CDH12: variants seen among roughly 807,000 people sequenced by gnomAD.
The protein encoded by CDH12 is cadherin 12.
In CDH12, 41 loss-of-function variants were observed where a neutral mutation model predicts 74.1. That is an observed-to-expected ratio of 0.55 (90% CI 0.43 to 0.72). The LOEUF is 0.72. Ranked by LOEUF, CDH12 falls within the 30% of genes least tolerant of loss-of-function variation. The pLI is 0.00. For synonymous variants in CDH12, 399 were observed against 355.0 expected (o/e 1.12, Z -1.39); for missense variants, 945 against 977.2 (o/e 0.97, Z 0.44).
intron 1 of CDH12, among the ~76,000 whole-genome samples, chr5:22,842,202 T>A (rs1223168948): frequency 2.0e-5 from 3 of 152,150 alleles, no homozygotes; most frequent in African/African-American, 7.2e-5. Context: ...CTACATGACT[T>A]CTTTTAAAAT....
chr5:22,733,787 T>TA (rs1744553139), intron 1 of CDH12, among the ~76,000 whole-genome samples: 1 of 151,918 alleles, frequency 6.6e-6, no homozygotes, highest in Non-Finnish European at 1.5e-5. Flanking sequence ...CTCGACTAGT[T>TA]AGATTGGTAG....
intron 8 of CDH12, among the ~76,000 whole-genome samples, chr5:21,833,090 ATATATAT>A (rs1326347931): frequency 5.7e-5 from 4 of 69,780 alleles, no homozygotes; most frequent in East Asian, 8.8e-4. Context: ...TATATTATAA[ATATATAT>A]TATATATTAT....
At chr5:22,236,860 C>A (rs1347570815) in intron 3 of CDH12, among the ~76,000 whole-genome samples, 1 of 152,084 alleles carries the variant, frequency 6.6e-6, no homozygotes, top group East Asian at 1.9e-4. Context: ...ACTGGAAGGT[C>A]TTCAGGGGCA....
chr5:22,318,309 G>C (rs184273102), intron 3 of CDH12, among the ~76,000 whole-genome samples: 45 of 152,146 alleles, frequency 3.0e-4, no homozygotes, highest in Admixed American at 1.1e-3. Flanking sequence ...TGCCTTTTTT[G>C]GGCTGCCTCT....
Position 21,885,776 on chromosome 5 carries a change from C to CAAAG in CDH12, c.527-30990_527-30987dup, listed in dbSNP as rs535418594. Among the ~76,000 whole-genome samples the CAAAG allele has an allele frequency of 2.7e-3, 410 of 152,164 alleles. 2 individuals are homozygous for CAAAG. The highest frequency in any genetic ancestry group is 9.5e-3 in the African/African-American group (396 of 41,532). The stretch of plus-strand genomic sequence containing the variant: ...TCTCTACTATATCATCAGTGCTTTC[C>CAAAG]AAAGACTCACTGATATCAGTATATT... On this transcript the variant is annotated intron_variant, in intron 6 of 14. Transcript: ENST00000382254.
chr5:22,044,613 C>T (rs1054578235), intron 5 of CDH12, among the ~76,000 whole-genome samples: 6 of 152,082 alleles, frequency 3.9e-5, no homozygotes, highest in African/African-American at 1.4e-4. Flanking sequence ...GGACAGAGAG[C>T]CAAAGTATAT....
intron 6 of CDH12, among the ~76,000 whole-genome samples, chr5:21,906,378 T>C (rs933232901): frequency 6.6e-6 from 1 of 152,188 alleles, no homozygotes; most frequent in African/African-American, 2.4e-5. Context: ...ACACATACTT[T>C]AGAATATAGC....
In CDH12 at chr5:22,061,924, C is replaced by G. The variant is rs189942130; in HGVS notation, c.231+16522G>C. On this transcript the variant is annotated intron_variant, in intron 5 of 14. Transcript: ENST00000382254. ...ATGAGATCTAGAATTAGAATCAAAG[C>G]TTATCCTCACTTTAAAGTAACTATA... Among the ~76,000 whole-genome samples, 269 of 152,172 alleles carry G rather than the reference C, an allele frequency of 1.8e-3. 5 individuals carry two copies. Among genetic ancestry groups the G allele is most frequent in the Admixed American group, 0.017 (256 of 15,270 alleles).
chr5:22,421,009 G>A (rs759460126), intron 2 of CDH12, among the ~76,000 whole-genome samples: 11 of 152,078 alleles, frequency 7.2e-5, no homozygotes, highest in Non-Finnish European at 1.6e-4. Flanking sequence ...TTGATGTAAA[G>A]GAATGCTTGT....
At chr5:22,066,400 TG>T (rs1268404425) in intron 5 of CDH12, among the ~76,000 whole-genome samples, 1 of 152,116 alleles carries the variant, frequency 6.6e-6, no homozygotes, top group Non-Finnish European at 1.5e-5. Flanking sequence ...TTCAGACCTT[TG>T]GGGGACTACT....
intron 4 of CDH12, among the ~76,000 whole-genome samples, chr5:22,182,541 G>C (rs1749703315): frequency 6.6e-6 from 1 of 152,084 alleles, no homozygotes; most frequent in Admixed American, 6.6e-5. Flanking sequence ...AACTATGCAG[G>C]GTGGGAGCAC....
intron 1 of CDH12, among the ~76,000 whole-genome samples, chr5:22,605,202 T>A (rs1737040498): frequency 1.3e-5 from 2 of 152,214 alleles, no homozygotes; most frequent in Admixed American, 1.3e-4. Flanking sequence ...ACCTCAGCTG[T>A]ACTGTGCACT....
At chr5:22,322,907 A>G (rs1020350467) in intron 3 of CDH12, among the ~76,000 whole-genome samples, 1 of 152,206 alleles carries the variant, frequency 6.6e-6, no homozygotes, top group Non-Finnish European at 1.5e-5. Context: ...ACTTGGTTGA[A>G]CAGAGTAACT....
chr5:22,619,343 A>G (rs1388536379), intron 1 of CDH12, among the ~76,000 whole-genome samples: 1 of 152,108 alleles, frequency 6.6e-6, no homozygotes, highest in Non-Finnish European at 1.5e-5. Flanking sequence ...CCACACAGCA[A>G]GTTCTGTTAC....
At chr5:22,691,063 TA>T (rs1231846911) in intron 1 of CDH12, among the ~76,000 whole-genome samples, 3 of 152,188 alleles carry the variant, frequency 2.0e-5, no homozygotes, top group Admixed American at 1.3e-4. Flanking sequence ...TTTTTAAAAA[TA>T]TTTTTTTCCT....
chr5:22,213,504 G>A (rs1199689140), intron 3 of CDH12: 2 of 152,164 alleles, frequency 1.3e-5, no homozygotes. Flanking sequence ...GCATATGAGA[G>A]GATCGAAAAT....
intron 5 of CDH12, among the ~76,000 whole-genome samples, chr5:22,060,459 C>T (rs1741116813): frequency 6.6e-6 from 1 of 152,010 alleles, no homozygotes; most frequent in Admixed American, 6.6e-5. Flanking sequence ...ACGTTCAGCA[C>T]ATGTATCCCA....
chr5:21,828,198 C>CTGAGA (rs1222736368), intron 8 of CDH12, among the ~76,000 whole-genome samples: 1 of 151,756 alleles, frequency 6.6e-6, no homozygotes, highest in Non-Finnish European at 1.5e-5. Flanking sequence ...TCTCATCTCA[C>CTGAGA]TGCACCGTCC....
At chr5:22,846,755 A>AC (rs1392548605) in intron 1 of CDH12, among the ~76,000 whole-genome samples, 17 of 152,286 alleles carry the variant, frequency 1.1e-4, no homozygotes, top group African/African-American at 4.1e-4. Context: ...GTTTTTAAAA[A>AC]GTAACACCTG....
Sources: gnomAD v4.1 joint callset for allele counts (sites outside exome capture counted in the v4.1 genomes callset) on GRCh38, gnomAD v4.1.1 for gene constraint, MANE v1.5 for transcripts, NCBI Gene and HGNC (gene_info 2026-07-23, HGNC 2026-07-21) for gene names.